ANKRD27: variants seen among roughly 807,000 people sequenced by gnomAD.
The protein encoded by ANKRD27 is ankyrin repeat domain-containing protein 27.
In ANKRD27, 112 loss-of-function variants were observed where a neutral mutation model predicts 129.7. The observed-to-expected ratio is 0.86, with a 90% confidence interval of 0.74 to 1.01. ANKRD27 has a LOEUF of 1.01. Ranked by LOEUF, ANKRD27 falls within the 50% of genes least tolerant of loss-of-function variation. ANKRD27 has a pLI of 0.00. For missense variants in ANKRD27, 1,258 were observed against 1,300.5 expected (o/e 0.97, Z 0.50); for synonymous variants, 516 against 511.2 (o/e 1.01, Z -0.13).
intron 4 of ANKRD27, among the ~76,000 whole-genome samples, chr19:32,645,326 C>T (rs1967281316): frequency 6.6e-6 from 1 of 152,066 alleles, no homozygotes; most frequent in Admixed American, 6.6e-5. Context: ...ACAGGAGAAT[C>T]GCTTGAACCC....
At chr19:32,643,965 C>A (rs1021358707) in intron 5 of ANKRD27, among the ~76,000 whole-genome samples, 3 of 151,934 alleles carry the variant, frequency 2.0e-5, no homozygotes, top group Admixed American at 2.0e-4. Flanking sequence ...GTCTCAAACT[C>A]CTGGGCTAAA....
intron 5 of ANKRD27, chr19:32,643,921 G>A: frequency 2.0e-6 from 1 of 501,278 alleles, no homozygotes; most frequent in Non-Finnish European, 3.6e-6. Flanking sequence ...GTTGCCCAGA[G>A]TAGAGTGCAG....
intron 4 of ANKRD27, among the ~76,000 whole-genome samples, chr19:32,644,922 C>T (rs1967273142): frequency 6.6e-6 from 1 of 152,208 alleles, no homozygotes; most frequent in South Asian, 2.1e-4. Flanking sequence ...AGTCACATCC[C>T]AGGCTGATCA....
rs1476871475 is a variant in ANKRD27, at chr19:32,622,515, T to C, written c.1734A>G (p.Gln578=). ...PLHIAARWGY[Q]GVIETLLQNG... ...TCTGCAGCAATGTCTCTATGACGCC[T>C]TGGTAGCCCCAGCGGGCAGCAATGT... The change falls in exon 18 of 29, where the codon CAA becomes CAG. Residue 578 remains glutamine (Q), a synonymous_variant. Coordinates refer to ENST00000306065, the MANE Select transcript of ANKRD27 (RefSeq NM_032139.3). 6.2e-7 allele frequency: 1 copy of C among 1,614,054 alleles called. No individual in the cohort carries two copies. The highest frequency in any genetic ancestry group is 1.3e-5 in the African/African-American group (1 of 74,928).
intron 9 of ANKRD27, 128 bp downstream of exon 9, chr19:32,642,995 T>C: frequency 2.2e-6 from 2 of 889,796 alleles, no homozygotes. Context: ...TGCAAGTAAC[T>C]GCGCTGCTCC....
At chr19:32,630,456 A>G (rs918334586) in intron 13 of ANKRD27, among the ~76,000 whole-genome samples, 7 of 152,216 alleles carry the variant, frequency 4.6e-5, no homozygotes. Context: ...ACACGCCCAT[A>G]AACATCTGAC....
chr19:32,654,656 ATTCTTTTTTTCTT>A (rs1487570641), intron 2 of ANKRD27, among the ~76,000 whole-genome samples: 1 of 81,748 alleles, frequency 1.2e-5, no homozygotes, highest in Non-Finnish European at 2.7e-5. Flanking sequence ...GGCCTCCCTG[ATTCTTTTTTTCTT>A]TTTTTTTAGA....
At chr19:32,603,028 G>T (rs62103926) in intron 25 of ANKRD27, among the ~76,000 whole-genome samples, 1 of 152,088 alleles carries the variant, frequency 6.6e-6, no homozygotes, top group Non-Finnish European at 1.5e-5. Context: ...GCCAGGCACA[G>T]TGGCTCACGT....
At chr19:32,644,523 G>T (rs374483850) in intron 4 of ANKRD27, 44 bp from the exon 5 acceptor site, 27 of 1,602,368 alleles carry the variant, frequency 1.7e-5, no homozygotes, top group Non-Finnish European at 2.3e-5. Context: ...AGCCTCTGCT[G>T]GTTCCTGACT....
rs762365844 is a variant in ANKRD27 at position 32,625,975 on chromosome 19, A to G, written c.1537-9T>C. ...TAGTGCAGCAGCAGCAGCTGCGGAG[A>G]TAAAGGAAAGCGATGAGCAGGGCAC... is the stretch of plus-strand genomic sequence containing the variant. On this transcript the variant is annotated splice_polypyrimidine_tract_variant and intron_variant, in intron 16 of 28. Coordinates refer to ENST00000306065, the MANE Select transcript of ANKRD27 (RefSeq NM_032139.3). The G allele has an allele frequency of 3.1e-6, 5 of 1,599,584 alleles. No homozygotes were observed. In the East Asian group the frequency reaches 1.1e-4, roughly 36 times the overall value.
chr19:32,673,443 C>T (rs1376606272), intron 1 of ANKRD27: 1 of 985,284 alleles, frequency 1.0e-6, no homozygotes, highest in East Asian at 1.1e-4. Context: ...CTGCAGGATT[C>T]CTCAAAGGAT....
At chr19:32,627,128 T>G (rs1002660731) in intron 15 of ANKRD27, among the ~76,000 whole-genome samples, 1 of 152,116 alleles carries the variant, frequency 6.6e-6, no homozygotes, top group Non-Finnish European at 1.5e-5. Flanking sequence ...GATGGAGTAT[T>G]ATGCAGCCAT....
chr19:32,656,049 GAAAAGAAAGA>G (rs1353111420), intron 2 of ANKRD27, among the ~76,000 whole-genome samples: 2 of 36,232 alleles, frequency 5.5e-5, no homozygotes, highest in African/African-American at 2.6e-4. Flanking sequence ...AGAAAAGAAA[GAAAAGAAAGA>G]AAAGAAAGAA....
intron 13 of ANKRD27, among the ~76,000 whole-genome samples, chr19:32,631,118 G>A (rs921895683): frequency 2.6e-5 from 4 of 151,876 alleles, no homozygotes; most frequent in South Asian, 2.1e-4. Flanking sequence ...TTCTGGGTTC[G>A]AACGATTCTC....
intron 18 of ANKRD27, among the ~76,000 whole-genome samples, chr19:32,621,148 A>T (rs1227118783): frequency 1.6e-5 from 2 of 126,204 alleles, no homozygotes; most frequent in African/African-American, 6.5e-5. Context: ...AACAACCTGG[A>T]AGAGCTGGAA....
chr19:32,628,269 A>G, intron 14 of ANKRD27, 104 bp from the exon 15 acceptor site: 6 of 895,334 alleles, frequency 6.7e-6, no homozygotes, highest in Non-Finnish European at 1.1e-5. Context: ...GGCGGCTCAC[A>G]GGATGCCACC....
chr19:32,670,379 C>CA (rs1967845545), intron 1 of ANKRD27, among the ~76,000 whole-genome samples: 1 of 152,240 alleles, frequency 6.6e-6, no homozygotes, highest in South Asian at 2.1e-4. Flanking sequence ...ACACTGTTCT[C>CA]AACCTTTCTG....
chr19:32,651,602 CCTTG>C (rs1967418133), intron 2 of ANKRD27, among the ~76,000 whole-genome samples: 1 of 152,116 alleles, frequency 6.6e-6, no homozygotes, highest in African/African-American at 2.4e-5. Context: ...GATCTCCTGA[CCTTG>C]TGATCTGCCC....
In ANKRD27 at chr19:32,643,457, T is replaced by A. The variant is rs1967241305; in HGVS notation, c.613A>T (p.Met205Leu). Residue 205 changes from methionine to leucine, a missense_variant, in exon 7 of 29, where the codon ATG (methionine) becomes TTG (leucine). Transcript: ENST00000306065. ...LKMLAKQEAQ[M>L]NLMKQAVEIY... The stretch of plus-strand genomic sequence containing the variant: ...TCCACTGCCTGCTTCATCAGGTTCA[T>A]CTGGGCCTCCTGCTTGGCGAGCATT... 1 of 1,613,720 alleles carries A rather than the reference T, an allele frequency of 6.2e-7. No individual in the cohort carries two copies. Among genetic ancestry groups the A allele is most frequent in the Admixed American group, 1.7e-5 (1 of 59,924 alleles).
Sources: allele counts gnomAD v4.1 joint callset (sites outside exome capture counted in the v4.1 genomes callset), GRCh38; gene constraint gnomAD v4.1.1; transcripts MANE v1.5; gene names NCBI Gene and HGNC (gene_info 2026-07-23, HGNC 2026-07-21).